The following GPR65 variants were observed in gnomAD, a reference collection of about 807,000 sequenced individuals.
GPR65 encodes G protein-coupled receptor 65, also known as T-cell death-associated gene 8 protein.
GPR65 carries 2 observed loss-of-function variants against 0.7 expected under a neutral mutation model. That is an observed-to-expected ratio of 2.83 (90% CI 1.16 to 8.92). The LOEUF is 8.92. Ranked by LOEUF, GPR65 falls within the 30% of genes most tolerant of loss-of-function variation. The pLI is 0.04. For missense variants in GPR65, 379 were observed against 399.4 expected (o/e 0.95, Z 0.43); for synonymous variants, 128 against 146.5 (o/e 0.87, Z 0.91).
Position 88,011,749 on chromosome 14 carries a change from T to TTAAACAG in GPR65, c.902_903insTAAACAG (p.Met301IlefsTer15). 6.2e-7 allele frequency: 1 copy of TTAAACAG among 1,613,050 alleles called. No individual in the cohort carries two copies. The highest frequency in any genetic ancestry group is 1.1e-5 in the South Asian group (1 of 91,058). ...GTAACCGAAACAGGAAGATATGATA[T>TTAAACAG]GTGGAATATATTAAAATTCTGCACT... On this transcript the variant is annotated frameshift_variant, in exon 2 of 2. Transcript: ENST00000267549. LOFTEE classifies it low-confidence loss of function (END_TRUNC).
At chr14:88,005,458 AG>A (rs1376199070) in intron 1 of GPR65, among the ~76,000 whole-genome samples, 7 of 152,208 alleles carry the variant, frequency 4.6e-5, no homozygotes, top group African/African-American at 1.4e-4. Context: ...ATATAGAAAA[AG>A]GGGGTTGTTC....
intron 1 of GPR65, among the ~76,000 whole-genome samples, chr14:88,010,138 G>A (rs933438765): frequency 6.6e-6 from 1 of 152,180 alleles, no homozygotes; most frequent in Non-Finnish European, 1.5e-5. Flanking sequence ...TATATCCATT[G>A]AGAAATATAA....
rs1887695543 is a variant in GPR65 at position 88,012,269 on chromosome 14, C to A, written c.*408C>A. On this transcript the variant is annotated 3_prime_UTR_variant, in exon 2 of 2. Transcript: ENST00000267549. ...ATTTTGTGTACCGGTCTCCAACAAC[C>A]CCAGCTACTGAATACTGCTTCTAAT... 2 of 155,520 alleles carry A rather than the reference C, an allele frequency of 1.3e-5. No individual in the cohort carries two copies. The highest frequency in any genetic ancestry group is 6.4e-5 in the Admixed American group (1 of 15,658). The allele number at this position is 155,520 out of a possible 1,614,324, so 9.6% of individuals were successfully genotyped here.
chr14:88,008,307 G>T (rs1470034369), intron 1 of GPR65, among the ~76,000 whole-genome samples: 2 of 152,110 alleles, frequency 1.3e-5, no homozygotes, highest in Non-Finnish European at 2.9e-5. Flanking sequence ...TCCTCCTCAT[G>T]CCCTCTTCCA....
rs533280880 is a variant in GPR65 at position 88,009,821 on chromosome 14, G to A, written c.-459-568G>A. On this transcript the variant is annotated intron_variant, in intron 1 of 1. Coordinates refer to ENST00000267549, the MANE Select transcript of GPR65 (RefSeq NM_003608.4). Reference sequence around the variant, plus strand: ...AGTATAAGAAAAATAAAGTGAGTTAGTCGACAAAGGAAATAAAAAGATAAA... The same window carrying A: ...AGTATAAGAAAAATAAAGTGAGTTAATCGACAAAGGAAATAAAAAGATAAA... Among the ~76,000 whole-genome samples, 36 of 152,260 alleles carry A rather than the reference G, an allele frequency of 2.4e-4. 1 individual carries two copies. In the South Asian group the frequency reaches 7.0e-3, roughly 30 times the overall value.
At position 88,011,868 on chromosome 14, in the gene GPR65, G is replaced by A. The variant is rs1388843469; in HGVS notation, c.*7G>A. ...ATTAGAGGTCCTTGAGTAGAACCAA[G>A]GATGTTTTGAAGGGAAGGGAAGTTT... On this transcript the variant is annotated 3_prime_UTR_variant, in exon 2 of 2. Coordinates refer to ENST00000267549, the MANE Select transcript of GPR65 (RefSeq NM_003608.4). 2.0e-6 allele frequency: 3 copies of A among 1,524,014 alleles called. No homozygotes were observed. Among genetic ancestry groups the A allele is most frequent in the Middle Eastern group, 3.5e-4 (2 of 5,662 alleles). 94.4% of individuals were successfully genotyped at this position (1,524,014 alleles called of 1,614,324 possible). A position where few individuals can be genotyped will look rare whatever the true frequency, so the allele number is the denominator to read the frequency against.
Position 88,011,444 on chromosome 14 carries a change from C to A in GPR65, c.597C>A (p.Ile199=). 6.2e-7 allele frequency: 1 copy of A among 1,614,098 alleles called. No individual in the cohort carries two copies. Residue 199 remains isoleucine (I), a synonymous_variant, in exon 2 of 2, where the codon ATC becomes ATA. Coordinates refer to ENST00000267549, the MANE Select transcript of GPR65 (RefSeq NM_003608.4). ...GCTATGCAATACCTTTGGTCACCAT[C>A]CTGATCTGCAACCGGAAAGTCTACC... The part of the protein sequence containing the change: ...CTGYAIPLVT[I]LICNRKVYQA...
At position 88,011,207 on chromosome 14, in the gene GPR65, G is replaced by A; in HGVS notation, c.360G>A (p.Leu120=). ...GGTATTTGGCTGTTGTCTACCCTTT[G>A]AAGTTTTTTTTCCTAAGGACAAGAA... ...VDRYLAVVYP[L]KFFFLRTRRF... The change falls in exon 2 of 2, where the codon TTG becomes TTA. Residue 120 remains leucine, a synonymous_variant. Coordinates refer to ENST00000267549, the MANE Select transcript of GPR65 (RefSeq NM_003608.4). 1 of 1,613,670 alleles carries A rather than the reference G, an allele frequency of 6.2e-7. No homozygotes were observed. The highest frequency in any genetic ancestry group is 8.5e-7 in the Non-Finnish European group (1 of 1,179,926).
In GPR65 at chr14:88,012,159, G is replaced by T; in HGVS notation, c.*298G>T. ...CCCTTAGAGTCAGTAAAGTATGTAG[G>T]GGACTGTTTCTTCCTTTGTGTCTGG... On this transcript the variant is annotated 3_prime_UTR_variant, in exon 2 of 2. Coordinates refer to ENST00000267549, the MANE Select transcript of GPR65 (RefSeq NM_003608.4). The T allele has an allele frequency of 6.3e-6, 1 of 159,602 alleles. No individual in the cohort carries two copies. The highest frequency in any genetic ancestry group is 1.8e-4 in the South Asian group (1 of 5,562). The allele number at this position is 159,602 out of a possible 1,614,324, so 9.9% of individuals were successfully genotyped here.
rs1887721838 is a variant in GPR65, at chr14:88,013,614, C to G, written c.*1753C>G. 6.6e-6 allele frequency: 1 copy of G among 152,170 alleles called. No homozygotes were observed. Among genetic ancestry groups the G allele is most frequent in the Non-Finnish European group, 1.5e-5 (1 of 68,096 alleles). 9.4% of individuals were successfully genotyped at this position (152,170 alleles called of 1,614,324 possible). A position where few individuals can be genotyped will look rare whatever the true frequency, so the allele number is the denominator to read the frequency against. On this transcript the variant is annotated 3_prime_UTR_variant, in exon 2 of 2. Transcript: ENST00000267549. ...GGGCGCGGTGGCTCATGCCTGTAATCCCAGCACTTTGGGAGGCTGAGGTGG... is the reference window on the plus strand; with the variant it reads ...GGGCGCGGTGGCTCATGCCTGTAATGCCAGCACTTTGGGAGGCTGAGGTGG...
In GPR65 at chr14:88,011,871, T is replaced by C. The variant is rs372325853; in HGVS notation, c.*10T>C. The C allele has an allele frequency of 1.7e-5, 26 of 1,515,816 alleles. No homozygotes were observed. The African/African-American group carries it at 3.6e-4, about 21-fold the overall frequency. 93.9% of individuals were successfully genotyped at this position (1,515,816 alleles called of 1,614,324 possible). ...AGAGGTCCTTGAGTAGAACCAAGGA[T>C]GTTTTGAAGGGAAGGGAAGTTTAAG... On this transcript the variant is annotated 3_prime_UTR_variant, in exon 2 of 2. Coordinates refer to ENST00000267549, the MANE Select transcript of GPR65 (RefSeq NM_003608.4).
Position 88,010,516 on chromosome 14 carries a change from T to TA in GPR65, c.-331dup. The TA allele has an allele frequency of 4.1e-6, 1 of 241,272 alleles. No individual in the cohort carries two copies. The highest frequency in any genetic ancestry group is 8.1e-6 in the Non-Finnish European group (1 of 123,566). The allele number at this position is 241,272 out of a possible 1,614,324, so 14.9% of individuals were successfully genotyped here. ...TTGCGGACAACTCTCTATGTACACT[T>TA]ACAAATGCCTCAGTTGATGCTTGTG... On this transcript the variant is annotated 5_prime_UTR_variant, in exon 2 of 2. The change creates a premature stop within an existing upstream ORF in the 5' untranslated region. Coordinates refer to ENST00000267549, the MANE Select transcript of GPR65 (RefSeq NM_003608.4).
chr14:88,011,051 T>C lies in GPR65; in HGVS notation c.204T>C (p.Pro68=), dbSNP rs916726612. The C allele has an allele frequency of 1.9e-6, 3 of 1,612,090 alleles. No homozygotes were observed. The highest frequency in any genetic ancestry group is 3.3e-5 in the Admixed American group (2 of 59,996). ...ATTTACTCTATGCATTAACTCTCCC[T>C]TTATGGATTGATTATACCTGGAATA... ...LSDLLYALTL[P]LWIDYTWNKD... is the part of the protein sequence containing the mutation. Residue 68 remains proline, a synonymous_variant, in exon 2 of 2, where the codon CCT becomes CCC. Transcript: ENST00000267549.
At chr14:88,008,258 A>G (rs529000610) in intron 1 of GPR65, among the ~76,000 whole-genome samples, 55 of 152,192 alleles carry the variant, frequency 3.6e-4, no homozygotes, top group African/African-American at 1.3e-3. Context: ...GGAACCAGCC[A>G]CCCCTACCAA....
In GPR65 at chr14:88,011,537, C is replaced by T. The variant is rs529819025; in HGVS notation, c.690C>T (p.Ser230=). The T allele has an allele frequency of 1.7e-4, 282 of 1,613,674 alleles. 1 individual carries two copies. In the South Asian group the frequency reaches 2.9e-3, roughly 17 times the overall value. ...EKKRIIKLLV[S]ITVTFVLCFT... Reference sequence around the variant, plus strand: ...AGAGAATCATAAAACTACTTGTCAGCATCACAGTTACTTTTGTCTTATGCT... The same window carrying T: ...AGAGAATCATAAAACTACTTGTCAGTATCACAGTTACTTTTGTCTTATGCT... The change falls in exon 2 of 2, where the codon AGC becomes AGT. Residue 230 remains serine, a synonymous_variant. Coordinates refer to ENST00000267549, the MANE Select transcript of GPR65 (RefSeq NM_003608.4).
rs764452295 is a variant in GPR65 at position 88,007,784 on chromosome 14, C to CTGTGTG, written c.-460+2564_-460+2569dup. Among the ~76,000 whole-genome samples, 821 of 114,040 alleles carry CTGTGTG rather than the reference C, an allele frequency of 7.2e-3. 25 individuals are homozygous for CTGTGTG. The highest frequency in any genetic ancestry group is 0.06 in the Admixed American group (618 of 10,290). The allele number at this position is 114,040 out of a possible 152,430, so 74.8% of individuals were successfully genotyped here. On this transcript the variant is annotated intron_variant, in intron 1 of 1. Transcript: ENST00000267549. ...GACACGTAGTTGCTTATTATTCTCT[C>CTGTGTG]TGTGTGTATGTGTGTGTGTGTGTGT...
rs771711565 is a variant in GPR65 at position 88,010,814 on chromosome 14, G to A, written c.-34G>A. The A allele has an allele frequency of 6.9e-7, 1 of 1,444,830 alleles. No individual in the cohort carries two copies. The highest frequency in any genetic ancestry group is 2.3e-5 in the East Asian group (1 of 43,726). The allele number at this position is 1,444,830 out of a possible 1,614,324, so 89.5% of individuals were successfully genotyped here. A position where few individuals can be genotyped will look rare whatever the true frequency, so the allele number is the denominator to read the frequency against. On this transcript the variant is annotated 5_prime_UTR_variant, in exon 2 of 2. Transcript: ENST00000267549. ...CAAGACTTCTCTGTTTACTTTCTAA[G>A]AACTAATATAATTGCTACCTTAAAA...
At position 88,014,509 on chromosome 14, in the gene GPR65, C is replaced by T. The variant is rs914485924; in HGVS notation, c.*2648C>T. The T allele has an allele frequency of 3.9e-5, 6 of 152,176 alleles. No individual in the cohort carries two copies. The highest frequency in any genetic ancestry group is 1.4e-4 in the African/African-American group (6 of 41,448). 9.4% of individuals were successfully genotyped at this position (152,176 alleles called of 1,614,324 possible). ...TTTGAATTGTTAAATCTGTTCCCTG[C>T]AAAGAACAGTAATACAATCATGTTC... On this transcript the variant is annotated 3_prime_UTR_variant, in exon 2 of 2. Transcript: ENST00000267549.
rs1887672321 is a variant in GPR65 at position 88,011,140 on chromosome 14, T to TTTACAGCAGC, written c.294_303dup (p.Thr102LeufsTer13). The TTTACAGCAGC allele has an allele frequency of 6.2e-7, 1 of 1,613,908 alleles. No homozygotes were observed. Among genetic ancestry groups the TTTACAGCAGC allele is most frequent in the African/African-American group, 1.3e-5 (1 of 74,938 alleles). On this transcript the variant is annotated frameshift_variant, in exon 2 of 2. Coordinates refer to ENST00000267549, the MANE Select transcript of GPR65 (RefSeq NM_003608.4). LOFTEE classifies it low-confidence loss of function (END_TRUNC). ...AGTGCTTTTCTCATGTACATGAATT[T>TTTACAGCAGC]TTACAGCAGCACAGCATTCCTCACC... is the stretch of plus-strand genomic sequence containing the variant.
Sources: allele counts gnomAD v4.1 joint callset (sites outside exome capture counted in the v4.1 genomes callset), GRCh38; gene constraint gnomAD v4.1.1; transcripts MANE v1.5; gene names NCBI Gene and HGNC (gene_info 2026-07-23, HGNC 2026-07-21).